Variants in CDH22 observed in about 807,000 individuals in gnomAD.
CDH22 encodes the protein cadherin 22, also known as cadherin-22.
Under a neutral mutation model 58.4 loss-of-function variants are expected in CDH22, and 30 were observed. The ratio of observed to expected loss-of-function variants is 0.51; its 90% CI spans 0.38 to 0.70. The LOEUF (loss-of-function observed/expected upper bound fraction) is 0.70. CDH22 is among the 30% of genes least tolerant of loss of function. CDH22 has a pLI of 0.00. For missense variants in CDH22, 1,014 were observed against 1,233.9 expected (o/e 0.82, Z 2.67); for synonymous variants, 513 against 558.2 (o/e 0.92, Z 1.14).
chr20:46,275,040 G>A (rs1005734904), intron 1 of CDH22, among the ~76,000 whole-genome samples: 11 of 152,278 alleles, frequency 7.2e-5, no homozygotes, highest in Admixed American at 3.3e-4. Context: ...TGTAATTTAC[G>A]AAAACTCATT....
chr20:46,294,351 G>A (rs1024962600), intron 1 of CDH22, among the ~76,000 whole-genome samples: 1 of 152,108 alleles, frequency 6.6e-6, no homozygotes. Context: ...TAATGATGCT[G>A]AGGAGCCATG....
intron 1 of CDH22, among the ~76,000 whole-genome samples, chr20:46,263,548 C>T (rs2086444311): frequency 6.6e-6 from 1 of 152,020 alleles, no homozygotes; most frequent in Non-Finnish European, 1.5e-5. Context: ...TACAAGGAGC[C>T]CCCACATTTA....
At chr20:46,196,288 T>A (rs967897291) in intron 8 of CDH22, among the ~76,000 whole-genome samples, 3 of 152,090 alleles carry the variant, frequency 2.0e-5, no homozygotes, top group Non-Finnish European at 2.9e-5. Context: ...GCAGCTTTTT[T>A]TTTTTGAGAC....
chr20:46,174,859 C>CG lies in CDH22; in HGVS notation c.2133dup (p.Gly712ArgfsTer166). On this transcript the variant is annotated frameshift_variant, in exon 12 of 12. Coordinates refer to ENST00000537909, the MANE Select transcript of CDH22 (RefSeq NM_021248.3). LOFTEE classifies it low-confidence loss of function (END_TRUNC). The surrounding 1 kb of genome is among the most constrained non-coding windows in gnomAD (Gnocchi z 4.4). ...CTGCCCGCGCCCCCGCCCGAGCCCC[C>CG]GCCCGCTCCCCCGCCCGCGCTGCCG... 7.5e-7 allele frequency: 1 copy of CG among 1,326,210 alleles called. No individual in the cohort carries two copies. The allele number at this position is 1,326,210 out of a possible 1,614,324, so 82.2% of individuals were successfully genotyped here.
At chr20:46,306,399 T>A (rs1173917438) in intron 1 of CDH22, among the ~76,000 whole-genome samples, 2 of 152,198 alleles carry the variant, frequency 1.3e-5, no homozygotes, top group Non-Finnish European at 2.9e-5. Context: ...CAGTTAGGAA[T>A]AGGGAAAGGG....
chr20:46,302,466 C>G (rs2086656543), intron 1 of CDH22, among the ~76,000 whole-genome samples: 1 of 152,178 alleles, frequency 6.6e-6, no homozygotes, highest in Admixed American at 6.5e-5. Context: ...CTGCAGATGA[C>G]ACAAGGCAGG....
chr20:46,223,657 TTTTCTTTCCTTCTTTC>T lies in CDH22; in HGVS notation c.670+3835_670+3850del, dbSNP rs1314695791. 1.0e-4 allele frequency among the ~76,000 whole-genome samples: 14 copies of T among 140,382 alleles called. No homozygotes were observed. In the East Asian group the frequency reaches 2.4e-3, roughly 25 times the overall value. 92.1% of individuals were successfully genotyped at this position (140,382 alleles called of 152,430 possible). A position where few individuals can be genotyped will look rare whatever the true frequency, so the allele number is the denominator to read the frequency against. On this transcript the variant is annotated intron_variant, in intron 4 of 11. Transcript: ENST00000537909. ...TCTTTCTTTCTTTCTTTCTCTTTCTTTTTCTTTCCTTCTTTCTTTCTTTCTTTCTTTCTTTCTTTCT... is the reference window on the plus strand; with the variant it reads ...TCTTTCTTTCTTTCTTTCTCTTTCTTTTTCTTTCTTTCTTTCTTTCTTTCT...
chr20:46,281,113 T>G (rs538562187), intron 1 of CDH22, among the ~76,000 whole-genome samples: 14 of 152,206 alleles, frequency 9.2e-5, no homozygotes, highest in Non-Finnish European at 2.1e-4. Context: ...GAACTCTACC[T>G]TTAGGGCAGT....
chr20:46,262,271 C>T (rs2425810), intron 1 of CDH22, among the ~76,000 whole-genome samples: 50,383 of 151,470 alleles, frequency 0.33, 9,299 homozygotes, highest in Middle Eastern at 0.54. Flanking sequence ...AGCTTCTGGG[C>T]TTGGTAGCTG....
At chr20:46,197,777 T>G (rs1392689103) in intron 8 of CDH22, among the ~76,000 whole-genome samples, 1 of 152,188 alleles carries the variant, frequency 6.6e-6, no homozygotes, top group Non-Finnish European at 1.5e-5. Context: ...TGAGCCAGCT[T>G]TGTATTTCCT....
chr20:46,213,948 G>A (rs1412544932), intron 5 of CDH22, among the ~76,000 whole-genome samples: 1 of 152,164 alleles, frequency 6.6e-6, no homozygotes, highest in Non-Finnish European at 1.5e-5. Context: ...TAGGTACTTA[G>A]GAGAGAGATA....
chr20:46,221,280 C>T (rs73117013), intron 4 of CDH22, among the ~76,000 whole-genome samples: 111 of 122,608 alleles, frequency 9.1e-4, no homozygotes, highest in East Asian at 2.5e-3. Context: ...TTTTTTTTTT[C>T]TTTTTTTTTT....
At chr20:46,226,292 CT>C (rs1349617347) in intron 4 of CDH22, among the ~76,000 whole-genome samples, 2 of 105,446 alleles carry the variant, frequency 1.9e-5, no homozygotes, top group Admixed American at 1.8e-4. Context: ...TCTTCTTCTT[CT>C]TTTTTTTTTT....
chr20:46,260,384 C>T (rs1466644500), intron 1 of CDH22, among the ~76,000 whole-genome samples: 1 of 152,168 alleles, frequency 6.6e-6, no homozygotes, highest in Non-Finnish European at 1.5e-5. Context: ...CTACTTCCTC[C>T]AGACTCTCTT....
At chr20:46,282,913 G>A (rs957201254) in intron 1 of CDH22, among the ~76,000 whole-genome samples, 1 of 152,154 alleles carries the variant, frequency 6.6e-6, no homozygotes, top group Non-Finnish European at 1.5e-5. Context: ...AGGAAGGCGG[G>A]CTCTTCAAAG....
chr20:46,188,548 A>G (rs1402630807), intron 8 of CDH22, among the ~76,000 whole-genome samples: 1 of 152,206 alleles, frequency 6.6e-6, no homozygotes, highest in African/African-American at 2.4e-5. Flanking sequence ...CGGTGAAGAG[A>G]CAGATTGAGT....
At chr20:46,256,214 TG>T (rs2086405938) in intron 1 of CDH22, among the ~76,000 whole-genome samples, 1 of 152,020 alleles carries the variant, frequency 6.6e-6, no homozygotes, top group South Asian at 2.1e-4. Context: ...CCTTGCCAGG[TG>T]GGGGCACAGA....
chr20:46,216,923 G>A lies in CDH22; in HGVS notation c.741C>T (p.Ala247=). ...SQERYEVVIQ[A]TDMAGQLGGL... is the part of the protein sequence containing the mutation. ...CACCCAGCTGACCCGCCATGTCTGT[G>A]GCCTGGATCACCACCTCGTAGCGCT... Residue 247 remains alanine, a synonymous_variant, in exon 5 of 12, where the codon GCC becomes GCT. Coordinates refer to ENST00000537909, the MANE Select transcript of CDH22 (RefSeq NM_021248.3). This position sits in a 1 kb window ranked among gnomAD's most constrained non-coding sequence, Gnocchi z 5.3. 1 of 1,610,818 alleles carries A rather than the reference G, an allele frequency of 6.2e-7. No individual in the cohort carries two copies. The highest frequency in any genetic ancestry group is 8.5e-7 in the Non-Finnish European group (1 of 1,177,350).
At chr20:46,181,681 T>G (rs1251105945) in intron 10 of CDH22, among the ~76,000 whole-genome samples, 2 of 145,192 alleles carry the variant, frequency 1.4e-5, no homozygotes, top group Non-Finnish European at 3.0e-5. Context: ...TTTCCTTTCC[T>G]TTCCCTCTTT....
Sources: gnomAD v4.1 joint callset for allele counts (sites outside exome capture counted in the v4.1 genomes callset) on GRCh38, gnomAD v4.1.1 for gene constraint, Gnocchi (gnomAD v3.1) non-coding constraint, MANE v1.5 for transcripts, NCBI Gene and HGNC (gene_info 2026-07-23, HGNC 2026-07-21) for gene names.